The following PC variants were observed in gnomAD, a reference collection of about 807,000 sequenced individuals.
PC encodes pyruvate carboxylase, mitochondrial.
PC carries 46 observed loss-of-function variants against 107.8 expected under a neutral mutation model. The observed-to-expected ratio is 0.43, with a 90% CI of 0.34 to 0.55. The LOEUF is 0.55. Ranked by LOEUF, PC falls within the 20% of genes least tolerant of loss-of-function variation. PC has a pLI of 0.04. For missense variants in PC, 1,241 were observed against 1,643.1 expected, an observed-to-expected ratio of 0.76 and a Z score of 4.23; for synonymous variants, 662 against 684.7, an observed-to-expected ratio of 0.97 and a Z score of 0.52.
intron 3 of PC, among the ~76,000 whole-genome samples, chr11:66,876,532 A>C (rs150172689): frequency 6.6e-6 from 1 of 152,258 alleles, no homozygotes; most frequent in Non-Finnish European, 1.5e-5. Context: ...CCTGCTGCTC[A>C]AGAGGTGCCG....
At chr11:66,903,371 A>G (rs1377713594) in intron 3 of PC, among the ~76,000 whole-genome samples, 1 of 152,142 alleles carries the variant, frequency 6.6e-6, no homozygotes, top group Non-Finnish European at 1.5e-5. Flanking sequence ...CTCAATACTC[A>G]CAAGGCCAGT....
At chr11:66,891,610 G>A (rs983137040) in intron 3 of PC, among the ~76,000 whole-genome samples, 1 of 146,022 alleles carries the variant, frequency 6.8e-6, no homozygotes, top group Non-Finnish European at 1.5e-5. Context: ...CAGGCTGGTC[G>A]TGAACTCCTG....
At chr11:66,862,174 G>A (rs1378888264) in intron 12 of PC, among the ~76,000 whole-genome samples, 2 of 152,186 alleles carry the variant, frequency 1.3e-5, no homozygotes, top group Non-Finnish European at 1.5e-5. Flanking sequence ...GGGGGAGCGC[G>A]TGATGTCGAC....
Position 66,848,642 on chromosome 11 carries a change from C to G in PC, c.*257G>C. 2 of 610,288 alleles carry G rather than the reference C, an allele frequency of 3.3e-6. No homozygotes were observed. The highest frequency in any genetic ancestry group is 5.8e-6 in the Non-Finnish European group (2 of 343,064). 37.8% of individuals were successfully genotyped at this position (610,288 alleles called of 1,614,324 possible). The stretch of plus-strand genomic sequence containing the variant: ...CCCCTGGGTCCTAGGACCACCTGAC[C>G]CACCACTTGTAGTCTCCAGTGAGGA... On this transcript the variant is annotated 3_prime_UTR_variant, in exon 23 of 23. Transcript: ENST00000393960.
At chr11:66,896,663 C>T (rs562900304) in intron 3 of PC, among the ~76,000 whole-genome samples, 1 of 152,334 alleles carries the variant, frequency 6.6e-6, no homozygotes, top group South Asian at 2.1e-4. Flanking sequence ...GATGAGAGGG[C>T]CTATGCCGAA....
intron 3 of PC, among the ~76,000 whole-genome samples, chr11:66,883,303 C>G (rs1385782071): frequency 6.6e-6 from 1 of 152,172 alleles, no homozygotes; most frequent in Non-Finnish European, 1.5e-5. Flanking sequence ...CCCAGCCTCA[C>G]TGGAAAGCAG....
chr11:66,907,425 G>T (rs908976200), intron 3 of PC, among the ~76,000 whole-genome samples: 1 of 152,210 alleles, frequency 6.6e-6, no homozygotes, highest in Non-Finnish European at 1.5e-5. Context: ...TACTCGGGAG[G>T]CTGAGGCAGA....
chr11:66,915,212 G>A lies in PC; in HGVS notation c.-1+37218C>T, dbSNP rs562216863. ...CTCCACTCCATTTCACAGAGAGCAC[G>A]GTGGAGTCTCTGAAACCTGCCTAAG... On this transcript the variant is annotated intron_variant, in intron 3 of 22. Coordinates refer to ENST00000393960, the MANE Select transcript of PC (RefSeq NM_001040716.2). Among the ~76,000 whole-genome samples the A allele has an allele frequency of 1.9e-4, 29 of 152,250 alleles. No individual in the cohort carries two copies. The East Asian group carries it at 1.9e-3, about 10-fold the overall frequency.
Position 66,849,966 on chromosome 11 carries a change from C to G in PC, c.2869G>C (p.Gly957Arg), listed in dbSNP as rs897249836. The G allele has an allele frequency of 6.2e-7, 1 of 1,613,658 alleles. No individual in the cohort carries two copies. Among genetic ancestry groups the G allele is most frequent in the South Asian group, 1.1e-5 (1 of 91,086 alleles). Reference protein sequence around the residue: ...FLQGYIGVPHGGFPEPFRSKV... With the variant: ...FLQGYIGVPHRGFPEPFRSKV... The stretch of plus-strand genomic sequence containing the variant: ...GAGCGAAAGGGTTCGGGGAACCCCC[C>G]ATGGGGGACACCGATGTAGCCCTGC... The change falls in exon 20 of 23, where the codon GGG becomes CGG. Residue 957 changes from glycine to arginine, a missense_variant. Physicochemically the swap from Gly to Arg is moderately radical, Grantham distance 125. Coordinates refer to ENST00000393960, the MANE Select transcript of PC (RefSeq NM_001040716.2).
At chr11:66,951,358 G>A (rs898463457) in intron 3 of PC, among the ~76,000 whole-genome samples, 7 of 152,134 alleles carry the variant, frequency 4.6e-5, no homozygotes, top group South Asian at 4.1e-4. Flanking sequence ...GAGGGGACTG[G>A]ACTAGCAGGG....
chr11:66,868,791 T>C, intron 10 of PC, 55 bp downstream of exon 10: 3 of 1,437,064 alleles, frequency 2.1e-6, no homozygotes, highest in Non-Finnish European at 2.9e-6. Flanking sequence ...TCGCCTGTAC[T>C]TTATGCAAAT....
At position 66,853,225 on chromosome 11, in the gene PC, GT is replaced by G. The variant is rs755170894; in HGVS notation, c.1513+13del. The G allele has an allele frequency of 1.0e-3, 1,620 of 1,613,302 alleles. 14 individuals are homozygous for G. The highest frequency in any genetic ancestry group is 5.2e-3 in the Middle Eastern group (31 of 5,934). On this transcript the variant is annotated intron_variant, in intron 13 of 22. Transcript: ENST00000393960. The stretch of plus-strand genomic sequence containing the variant: ...GGGGAGGGGAGGGCAGGGCAGGGCA[GT>G]CTCGGGCCAGACCGAGGTAGTGCAA...
intron 3 of PC, among the ~76,000 whole-genome samples, chr11:66,938,895 A>G (rs542300653): frequency 6.6e-6 from 1 of 152,286 alleles, no homozygotes; most frequent in Non-Finnish European, 1.5e-5. Context: ...CTATCACCTC[A>G]TATGTTTGCA....
In PC at chr11:66,874,088, T is replaced by C. The variant is rs377067944; in HGVS notation, c.1-1929A>G. Among the ~76,000 whole-genome samples the C allele has an allele frequency of 1.2e-4, 19 of 152,140 alleles. 1 individual carries two copies. The East Asian group carries it at 2.9e-3, about 23-fold the overall frequency. On this transcript the variant is annotated intron_variant, in intron 3 of 22. Transcript: ENST00000393960. ...GATTCTCCTGCCTCAGCCTCCCGAG[T>C]AGCTGGAATTACAGGCACCCGCCAC...
intron 10 of PC, 143 bp downstream of exon 10, chr11:66,868,703 C>T (rs1449666226): frequency 4.4e-6 from 3 of 683,220 alleles, no homozygotes; most frequent in Non-Finnish European, 8.0e-6. Context: ...ACTTTTAAAA[C>T]ACTAAGTACC....
intron 12 of PC, chr11:66,860,214 T>A: frequency 6.5e-7 from 1 of 1,541,418 alleles, no homozygotes; most frequent in Non-Finnish European, 8.7e-7. Context: ...CAGCTTCCTG[T>A]GTGCTCCAAG....
chr11:66,853,102 G>A (rs1945603183), intron 13 of PC, 137 bp downstream of exon 13: 3 of 967,322 alleles, frequency 3.1e-6, no homozygotes, highest in Non-Finnish European at 4.6e-6. Flanking sequence ...GAGGACGCAG[G>A]GCCAGAATGA....
Position 66,858,584 on chromosome 11 carries a change from G to T in PC, c.1368+5190C>A, listed in dbSNP as rs1230364414. On this transcript the variant is annotated intron_variant, in intron 12 of 22. Coordinates refer to ENST00000393960, the MANE Select transcript of PC (RefSeq NM_001040716.2). The surrounding 1 kb of genome is among the most constrained non-coding windows in gnomAD (Gnocchi z 5.9). ...CCGAGGGCGAGTTCTCCTGTGAGCCGCCCCTCATTGCCCGCCACACGCAGC... is the reference window on the plus strand; with the variant it reads ...CCGAGGGCGAGTTCTCCTGTGAGCCTCCCCTCATTGCCCGCCACACGCAGC... The T allele has an allele frequency of 1.3e-6, 2 of 1,532,526 alleles. No homozygotes were observed. Among genetic ancestry groups the T allele is most frequent in the East Asian group, 4.9e-5 (2 of 40,812 alleles). The allele number at this position is 1,532,526 out of a possible 1,614,324, so 94.9% of individuals were successfully genotyped here.
chr11:66,944,003 C>T (rs940028880), intron 3 of PC, among the ~76,000 whole-genome samples: 1 of 144,402 alleles, frequency 6.9e-6, no homozygotes, highest in Admixed American at 6.9e-5. Context: ...AACAAAAGGC[C>T]GGGCACAGTG....
Sources: allele counts gnomAD v4.1 joint callset (sites outside exome capture counted in the v4.1 genomes callset), GRCh38; gene constraint gnomAD v4.1.1; non-coding constraint Gnocchi (gnomAD v3.1); transcripts MANE v1.5; gene names NCBI Gene and HGNC (gene_info 2026-07-23, HGNC 2026-07-21).